ZNF235: variants seen among roughly 807,000 people sequenced by gnomAD.
The protein encoded by ZNF235 is zfp-93.
ZNF235 carries 25 observed loss-of-function variants against 29.4 expected under a neutral mutation model. That is an observed-to-expected ratio of 0.85 (90% confidence interval 0.62 to 1.19). The LOEUF (loss-of-function observed/expected upper bound fraction) is 1.19. Ranked by LOEUF, ZNF235 falls within the 50% of genes most tolerant of loss-of-function variation. ZNF235 has a pLI of 0.00. For missense variants in ZNF235, 788 were observed against 885.0 expected, an observed-to-expected ratio of 0.89 and a Z score of 1.39; for synonymous variants, 300 against 295.3, an observed-to-expected ratio of 1.02 and a Z score of -0.16.
intron 2 of ZNF235, among the ~76,000 whole-genome samples, chr19:44,302,297 G>T (rs895134988): frequency 6.6e-6 from 1 of 152,036 alleles, no homozygotes; most frequent in South Asian, 2.1e-4. Context: ...AAAATTCATA[G>T]ATTACATAAA....
chr19:44,301,607 C>A (rs545010511), intron 2 of ZNF235, among the ~76,000 whole-genome samples: 39 of 152,160 alleles, frequency 2.6e-4, no homozygotes, highest in Non-Finnish European at 4.4e-4. Flanking sequence ...AGTAGCTGGG[C>A]TTACAGGTGT....
At chr19:44,293,845 A>T (rs1975616917) in intron 4 of ZNF235, among the ~76,000 whole-genome samples, 1 of 152,088 alleles carries the variant, frequency 6.6e-6, no homozygotes, top group African/African-American at 2.4e-5. Context: ...GACAAATTTT[A>T]AAATTTCTTG....
intron 2 of ZNF235, among the ~76,000 whole-genome samples, chr19:44,301,914 G>A (rs1004329156): frequency 6.6e-6 from 1 of 152,146 alleles, no homozygotes; most frequent in Admixed American, 6.5e-5. Flanking sequence ...TCCTCACAAA[G>A]CTGTTCCATG....
Position 44,287,671 on chromosome 19 carries a change from G to A in ZNF235, c.1764C>T (p.Ala588=). 2 of 1,613,230 alleles carry A rather than the reference G, an allele frequency of 1.2e-6. No individual in the cohort carries two copies. Among genetic ancestry groups the A allele is most frequent in the Non-Finnish European group, 1.7e-6 (2 of 1,179,732 alleles). ...TTTCCCCAGTGTGGACGCTCTGATGGGCTTGAAGATTTGAAGCCTGACTGA... is the reference window on the plus strand; with the variant it reads ...TTTCCCCAGTGTGGACGCTCTGATGAGCTTGAAGATTTGAAGCCTGACTGA... ...KGFSQASNLQ[A]HQSVHTGEKP... The change falls in exon 5 of 5, where the codon GCC becomes GCT. Residue 588 remains alanine (A), a synonymous_variant. Transcript: ENST00000291182.
rs1174561054 is a variant in ZNF235, at chr19:44,288,430, T to C, written c.1005A>G (p.Gln335=). 2 of 1,614,214 alleles carry C rather than the reference T, an allele frequency of 1.2e-6. No homozygotes were observed. Among genetic ancestry groups the C allele is most frequent in the Non-Finnish European group, 8.5e-7 (1 of 1,180,024 alleles). ...GKGFSQSSNL[Q]THQRVHTGEK... is the part of the protein sequence containing the mutation. Reference sequence around the variant, plus strand: ...CCCCTGTGTGGACTCTCTGATGAGTTTGCAGATTTGAGCTCTGACTGAAAC... The same window carrying C: ...CCCCTGTGTGGACTCTCTGATGAGTCTGCAGATTTGAGCTCTGACTGAAAC... The change falls in exon 5 of 5, where the codon CAA becomes CAG. Residue 335 remains glutamine, a synonymous_variant. Coordinates refer to ENST00000291182, the MANE Select transcript of ZNF235 (RefSeq NM_004234.4).
intron 4 of ZNF235, among the ~76,000 whole-genome samples, chr19:44,292,497 C>G (rs1197613801): frequency 6.6e-6 from 1 of 150,988 alleles, no homozygotes; most frequent in Non-Finnish European, 1.5e-5. Flanking sequence ...AAGAAAGCAT[C>G]TCGGTACTTC....
chr19:44,291,889 C>A (rs1486230848), intron 4 of ZNF235, among the ~76,000 whole-genome samples: 1 of 152,072 alleles, frequency 6.6e-6, no homozygotes, highest in Non-Finnish European at 1.5e-5. Context: ...AAATACTTCT[C>A]AACACATTTT....
rs74796695 is a variant in ZNF235, at chr19:44,301,795, T to G, written c.15+1595A>C. Among the ~76,000 whole-genome samples, 1,150 of 152,248 alleles carry G rather than the reference T, an allele frequency of 7.6e-3. 10 individuals carry two copies. The highest frequency in any genetic ancestry group is 0.013 in the Non-Finnish European group (904 of 68,010). On this transcript the variant is annotated intron_variant, in intron 2 of 4. Coordinates refer to ENST00000291182, the MANE Select transcript of ZNF235 (RefSeq NM_004234.4). The stretch of plus-strand genomic sequence containing the variant: ...AAATGGAACACCTGAAACTTCTGGC[T>G]TAGGCACTGGAAGCTTTAACGTCAG...
chr19:44,295,749 A>C (rs1022693815), intron 4 of ZNF235, among the ~76,000 whole-genome samples: 5 of 152,190 alleles, frequency 3.3e-5, no homozygotes, highest in African/African-American at 1.2e-4. Context: ...AGATACACAG[A>C]TCAATGGAAT....
intron 1 of ZNF235, among the ~76,000 whole-genome samples, chr19:44,304,549 G>A (rs2609882): frequency 1.3e-5 from 2 of 152,272 alleles, no homozygotes; most frequent in African/African-American, 4.8e-5. Context: ...TATTATAACA[G>A]AATTAACGGT....
Position 44,288,950 on chromosome 19 carries a change from A to G in ZNF235, c.485T>C (p.Ile162Thr), listed in dbSNP as rs779931440. Reference protein sequence around the residue: ...SVDDNCLVNHIGDHSSIIENQ... With the variant: ...SVDDNCLVNHTGDHSSIIENQ... ...TTCAATGATACTGGAATGATCCCCT[A>G]TGTGATTCACTAGACAGTTGTCATC... Residue 162 changes from isoleucine to threonine, a missense_variant, in exon 5 of 5, where the codon ATA becomes ACA. Physicochemically the swap from Ile to Thr is moderately conservative, Grantham distance 89. Transcript: ENST00000291182. The G allele has an allele frequency of 4.3e-6, 7 of 1,614,026 alleles. No homozygotes were observed. The highest frequency in any genetic ancestry group is 3.3e-4 in the Middle Eastern group (2 of 6,060).
chr19:44,302,853 AAT>A (rs941938610), intron 2 of ZNF235, among the ~76,000 whole-genome samples: 9 of 93,736 alleles, frequency 9.6e-5, no homozygotes, highest in Non-Finnish European at 1.7e-4. Context: ...TATATGAGTA[AAT>A]ATATACTTAT....
intron 4 of ZNF235, among the ~76,000 whole-genome samples, chr19:44,295,578 A>G (rs930326767): frequency 2.0e-5 from 3 of 152,280 alleles, no homozygotes; most frequent in South Asian, 4.1e-4. Context: ...TTTTTGCAGA[A>G]TGAGGAAAAA....
intron 1 of ZNF235, 149 bp downstream of exon 1, chr19:44,304,822 G>C (rs988940235): frequency 1.0e-6 from 1 of 985,366 alleles, no homozygotes; most frequent in East Asian, 1.1e-4. Context: ...AGGTTCTGCC[G>C]AGGGGACGCA....
rs1975786184 is a variant in ZNF235, at chr19:44,303,514, T to C, written c.-48-62A>G. The C allele has an allele frequency of 7.6e-6, 11 of 1,449,326 alleles. No homozygotes were observed. The South Asian group carries it at 1.1e-4, about 14-fold the overall frequency. 89.8% of individuals were successfully genotyped at this position (1,449,326 alleles called of 1,614,324 possible). ...ATGGCATTAGTCACCATGGCACTTT[T>C]ATGTGACACTTCAGAGAAAGGTCCC... On this transcript the variant is annotated intron_variant, in intron 1 of 4. Transcript: ENST00000291182.
Position 44,303,386 on chromosome 19 carries a change from T to C in ZNF235, c.15+4A>G. ...TAAGAAACACAAAGGCAAACCAAAC[T>C]TACCTGGAACTTGGTCATTTTTCCC... On this transcript the variant is annotated splice_donor_region_variant and intron_variant, in intron 2 of 4. Coordinates refer to ENST00000291182, the MANE Select transcript of ZNF235 (RefSeq NM_004234.4). 6.2e-7 allele frequency: 1 copy of C among 1,611,952 alleles called. No individual in the cohort carries two copies.
At chr19:44,298,650 C>G (rs900558732) in intron 4 of ZNF235, among the ~76,000 whole-genome samples, 158 bp downstream of exon 4, 2 of 152,156 alleles carry the variant, frequency 1.3e-5, no homozygotes, top group African/African-American at 4.8e-5. Flanking sequence ...ACCTGCCAGG[C>G]CTCCCAAAGT....
chr19:44,302,140 T>C (rs1157844309), intron 2 of ZNF235, among the ~76,000 whole-genome samples: 2 of 152,222 alleles, frequency 1.3e-5, no homozygotes, highest in Non-Finnish European at 1.5e-5. Flanking sequence ...AGCTATACTT[T>C]ATTCTCTCCA....
In ZNF235 at chr19:44,287,850, A is replaced by G; in HGVS notation, c.1585T>C (p.Tyr529His). Residue 529 changes from tyrosine to histidine, a missense_variant, in exon 5 of 5, where the codon TAC becomes CAC. Tyr to His is a moderately conservative substitution (Grantham distance 83). Transcript: ENST00000291182. ...TGGACTCTCTGATGTGCTTGAAAGT[A>G]TGAACTCTGACTGAAGCCTTTCCCA... is the stretch of plus-strand genomic sequence containing the variant. ...VCGKGFSQSS[Y>H]FQAHQRVHTG... The G allele has an allele frequency of 3.1e-6, 5 of 1,611,030 alleles. No individual in the cohort carries two copies. The South Asian group carries it at 4.4e-5, about 14-fold the overall frequency.
Sources: allele counts gnomAD v4.1 joint callset (sites outside exome capture counted in the v4.1 genomes callset), GRCh38; gene constraint gnomAD v4.1.1; transcripts MANE v1.5; gene names NCBI Gene and HGNC (gene_info 2026-07-23, HGNC 2026-07-21).